PLD1: variants seen among roughly 807,000 people sequenced by gnomAD.
The protein encoded by PLD1 is phospholipase D1, also known as choline phosphatase 1.
Under a neutral mutation model 137.1 loss-of-function variants are expected in PLD1, and 112 were observed. The ratio of observed to expected loss-of-function variants is 0.82; its 90% CI spans 0.70 to 0.96. PLD1 has a LOEUF of 0.96. Ranked by LOEUF, PLD1 falls within the 40% of genes least tolerant of loss-of-function variation. The pLI is 0.00. For synonymous variants in PLD1, 431 were observed against 454.7 expected (o/e 0.95, Z 0.66); for missense variants, 1,321 against 1,342.0 (o/e 0.98, Z 0.24).
chr3:171,759,082 T>C (rs1721223062), intron 1 of PLD1, among the ~76,000 whole-genome samples: 1 of 110,172 alleles, frequency 9.1e-6, no homozygotes, highest in South Asian at 2.8e-4. Flanking sequence ...CACTTTTTCC[T>C]TTTAAATATT....
intron 1 of PLD1, among the ~76,000 whole-genome samples, chr3:171,794,963 T>C (rs1454914497): frequency 6.6e-6 from 1 of 152,254 alleles, no homozygotes; most frequent in Non-Finnish European, 1.5e-5. Flanking sequence ...TTTGTATCAG[T>C]ACAATTTATA....
At chr3:171,665,639 G>T (rs1410732742) in intron 19 of PLD1, among the ~76,000 whole-genome samples, 1 of 151,940 alleles carries the variant, frequency 6.6e-6, no homozygotes, top group African/African-American at 2.4e-5. Context: ...GGCGGAGGTT[G>T]CAGTGAGCCG....
At chr3:171,712,543 T>C (rs948148638) in intron 9 of PLD1, among the ~76,000 whole-genome samples, 1 of 151,956 alleles carries the variant, frequency 6.6e-6, no homozygotes, top group East Asian at 1.9e-4. Flanking sequence ...GCTGCCTTCA[T>C]AGAACCTGCA....
intron 1 of PLD1, among the ~76,000 whole-genome samples, chr3:171,741,930 A>G (rs558948010): frequency 6.6e-6 from 1 of 152,362 alleles, no homozygotes; most frequent in South Asian, 2.1e-4. Context: ...AAATATGAAC[A>G]TTAGCCAGTA....
Position 171,725,998 on chromosome 3 carries a change from T to A in PLD1, c.665+20A>T. ...AAATCAATTTTTCATACTTCTCTTT[T>A]AAGGTTTATTGCAACTTACATGCCC... On this transcript the variant is annotated intron_variant, in intron 7 of 26. Coordinates refer to ENST00000351298, the MANE Select transcript of PLD1 (RefSeq NM_002662.5). 6.4e-7 allele frequency: 1 copy of A among 1,555,020 alleles called. No homozygotes were observed. Among genetic ancestry groups the A allele is most frequent in the Middle Eastern group, 1.7e-4 (1 of 5,952 alleles).
chr3:171,666,058 G>T (rs1184577743), intron 19 of PLD1, among the ~76,000 whole-genome samples: 1 of 152,152 alleles, frequency 6.6e-6, no homozygotes, highest in African/African-American at 2.4e-5. Context: ...TTCTTGCTCT[G>T]CCTAGACCAT....
intron 9 of PLD1, among the ~76,000 whole-genome samples, chr3:171,711,124 C>T (rs1343913623): frequency 6.7e-6 from 1 of 149,968 alleles, no homozygotes; most frequent in African/African-American, 2.5e-5. Flanking sequence ...CTGCCTCGGC[C>T]TCCCAAAGTG....
At chr3:171,665,469 G>A (rs1331420771) in intron 19 of PLD1, among the ~76,000 whole-genome samples, 1 of 152,184 alleles carries the variant, frequency 6.6e-6, no homozygotes, top group African/African-American at 2.4e-5. Flanking sequence ...GGAGGCCGAG[G>A]TGGGCAGATC....
chr3:171,661,210 T>C lies in PLD1; in HGVS notation c.2340+850A>G, dbSNP rs570526909. Among the ~76,000 whole-genome samples, 488 of 152,180 alleles carry C rather than the reference T, an allele frequency of 3.2e-3. 1 individual carries two copies. The highest frequency in any genetic ancestry group is 0.011 in the African/African-American group (467 of 41,524). ...TAAAGCTCCAATTCTTCCCTGCTTG[T>C]CTCTAATGAATTGTTGCTGTGCAGA... is the stretch of plus-strand genomic sequence containing the variant. On this transcript the variant is annotated intron_variant, in intron 20 of 26. Coordinates refer to ENST00000351298, the MANE Select transcript of PLD1 (RefSeq NM_002662.5).
intron 1 of PLD1, among the ~76,000 whole-genome samples, chr3:171,807,998 T>C (rs1723923657): frequency 1.3e-5 from 2 of 152,220 alleles, no homozygotes; most frequent in Admixed American, 6.5e-5. Context: ...TTGCATGTTT[T>C]CACTAATAAG....
At chr3:171,708,438 A>G (rs1231618788) in intron 11 of PLD1, among the ~76,000 whole-genome samples, 2 of 152,242 alleles carry the variant, frequency 1.3e-5, no homozygotes, top group East Asian at 3.8e-4. Flanking sequence ...AGAAAAAGAC[A>G]TCCAAAGACA....
Position 171,615,223 on chromosome 3 carries a change from C to G in PLD1, c.2729-2791G>C, listed in dbSNP as rs148461296. ...ACAGAACAAGAGATCTAGAAAGATA[C>G]ACACTGAACTGTTAACAATAGTAGG... On this transcript the variant is annotated intron_variant, in intron 24 of 26. Transcript: ENST00000351298. Among the ~76,000 whole-genome samples, 258 of 152,260 alleles carry G rather than the reference C, an allele frequency of 1.7e-3. 2 individuals are homozygous for G. The highest frequency in any genetic ancestry group is 2.6e-3 in the Admixed American group (40 of 15,300).
At position 171,603,035 on chromosome 3, in the gene PLD1, T is replaced by A. The variant is rs1731934495; in HGVS notation, c.*43A>T. On this transcript the variant is annotated 3_prime_UTR_variant, in exon 27 of 27. Coordinates refer to ENST00000351298, the MANE Select transcript of PLD1 (RefSeq NM_002662.5). The stretch of plus-strand genomic sequence containing the variant: ...CCCCAGGAAGTCACTGTGTGCAGTG[T>A]GGTCTCCAGGGTGGAAGTCTTTGAG... 7.2e-7 allele frequency: 1 copy of A among 1,386,102 alleles called. No homozygotes were observed. The allele number at this position is 1,386,102 out of a possible 1,614,324, so 85.9% of individuals were successfully genotyped here. A position where few individuals can be genotyped will look rare whatever the true frequency, so the allele number is the denominator to read the frequency against.
intron 6 of PLD1, among the ~76,000 whole-genome samples, chr3:171,732,611 T>G (rs1446579518): frequency 1.3e-5 from 2 of 152,248 alleles, no homozygotes; most frequent in African/African-American, 4.8e-5. Flanking sequence ...TGTGATGCCA[T>G]TCTCTAAACT....
Position 171,709,685 on chromosome 3 carries a change from G to A in PLD1, c.936C>T (p.Ser312=), listed in dbSNP as rs1716990984. Residue 312 remains serine (S), a synonymous_variant, in exon 10 of 27, where the codon AGC becomes AGT. Coordinates refer to ENST00000351298, the MANE Select transcript of PLD1 (RefSeq NM_002662.5). ...CTCCCCACCACCGAGCATGTCTATAGCTGTTGCATTTTAAAATAAGTGTCC... is the reference window on the plus strand; with the variant it reads ...CTCCCCACCACCGAGCATGTCTATAACTGTTGCATTTTAAAATAAGTGTCC... The part of the protein sequence containing the change: ...LSRTLILKCN[S]YRHARWWGGA... The A allele has an allele frequency of 1.2e-6, 2 of 1,612,724 alleles. No homozygotes were observed. The highest frequency in any genetic ancestry group is 4.5e-5 in the East Asian group (2 of 44,860).
At chr3:171,744,985 T>C (rs995502127) in intron 1 of PLD1, among the ~76,000 whole-genome samples, 3 of 152,248 alleles carry the variant, frequency 2.0e-5, no homozygotes, top group Non-Finnish European at 4.4e-5. Context: ...ATTAAAAGCA[T>C]TTCTTGATTC....
intron 19 of PLD1, among the ~76,000 whole-genome samples, chr3:171,674,223 T>C (rs187024545): frequency 2.0e-5 from 3 of 152,368 alleles, no homozygotes; most frequent in African/African-American, 7.2e-5. Flanking sequence ...GGGTATCATG[T>C]TGCTAGGGTC....
At position 171,687,404 on chromosome 3, in the gene PLD1, C is replaced by A; in HGVS notation, c.1720G>T (p.Ala574Ser). The change falls in exon 15 of 27, where the codon GCA (alanine) becomes TCA (serine). Residue 574 changes from alanine (A) to serine (S), a missense_variant. Ala to Ser is a moderately conservative substitution (Grantham distance 99). Transcript: ENST00000351298. Reference protein sequence around the residue: ...KQLHRHHLHDADSISSIDSTS... With the variant: ...KQLHRHHLHDSDSISSIDSTS... ...CTGTCAATGCTGCTGATGCTATCTG[C>A]GTCGTGCAGGTGGTGCCTGTGGAGC... 12 of 1,614,110 alleles carry A rather than the reference C, an allele frequency of 7.4e-6. No homozygotes were observed. Among genetic ancestry groups the A allele is most frequent in the Non-Finnish European group, 1.0e-5 (12 of 1,179,996 alleles).
At chr3:171,735,071 T>A in intron 4 of PLD1, 101 bp from the exon 5 acceptor site, 1 of 681,558 alleles carries the variant, frequency 1.5e-6, no homozygotes. Context: ...AGAGACTATT[T>A]AATTGAAAAT....
Sources: gnomAD v4.1 joint callset for allele counts (sites outside exome capture counted in the v4.1 genomes callset) on GRCh38, gnomAD v4.1.1 for gene constraint, MANE v1.5 for transcripts, NCBI Gene and HGNC (gene_info 2026-07-23, HGNC 2026-07-21) for gene names.